Variants in CUL5 observed in about 807,000 individuals in gnomAD.
CUL5 encodes cullin-5.
In CUL5, 26 loss-of-function variants were observed where a neutral mutation model predicts 108.8. The ratio of observed to expected loss-of-function variants is 0.24; its 90% CI spans 0.18 to 0.33. The LOEUF is 0.33. Ranked by LOEUF, CUL5 falls within the 10% of genes least tolerant of loss-of-function variation. CUL5 has a pLI of 1.00. For synonymous variants in CUL5, 334 were observed against 298.0 expected (o/e 1.12, Z -1.25); for missense variants, 524 against 909.2 (o/e 0.58, Z 5.45).
chr11:108,100,158 AGGT>A (rs1864618364), intron 18 of CUL5, among the ~76,000 whole-genome samples: 1 of 152,178 alleles, frequency 6.6e-6, no homozygotes, highest in Non-Finnish European at 1.5e-5. Flanking sequence ...AATAAAAAAA[AGGT>A]GGTAGTGGTG....
Position 108,050,071 on chromosome 11 carries a change from G to T in CUL5, c.411+5G>T. On this transcript the variant is annotated splice_donor_5th_base_variant and intron_variant, in intron 4 of 18. Transcript: ENST00000393094. The stretch of plus-strand genomic sequence containing the variant: ...GAAGACAGTATTGTTCGAAAGGTAA[G>T]ACTATTTTTCTCCTTGTTTTCCTAA... The T allele has an allele frequency of 1.3e-6, 2 of 1,577,386 alleles. No homozygotes were observed. The highest frequency in any genetic ancestry group is 2.3e-5 in the South Asian group (2 of 85,352).
intron 1 of CUL5, among the ~76,000 whole-genome samples, chr11:108,018,795 A>G (rs139963852): frequency 1.3e-5 from 2 of 152,310 alleles, no homozygotes; most frequent in Admixed American, 1.3e-4. Flanking sequence ...AATCCCCTAT[A>G]GATGCAAGTA....
chr11:108,046,544 T>TC (rs1863072040), intron 3 of CUL5, 175 bp downstream of exon 3: 2 of 530,430 alleles, frequency 3.8e-6, no homozygotes, highest in African/African-American at 3.8e-5. Flanking sequence ...ATTATTTTTT[T>TC]CCCACAGTGA....
At position 108,097,793 on chromosome 11, in the gene CUL5, T is replaced by A. The variant is rs73000527; in HGVS notation, c.2024+39T>A. ...TTGATCTAAAATAAAAACACCTTGT[T>A]TGAATTTTAGCACTTTGTTTTTTGC... On this transcript the variant is annotated intron_variant, in intron 17 of 18. Transcript: ENST00000393094. 80,430 of 1,164,018 alleles carry A rather than the reference T, an allele frequency of 0.069. 3,406 individuals carry two copies. The highest frequency in any genetic ancestry group is 0.075 in the Non-Finnish European group (59,541 of 789,620). The allele number at this position is 1,164,018 out of a possible 1,614,324, so 72.1% of individuals were successfully genotyped here. A position where few individuals can be genotyped will look rare whatever the true frequency, so the allele number is the denominator to read the frequency against.
rs1863275301 is a variant in CUL5, at chr11:108,053,049, A to G, written c.553+248A>G. Among the ~76,000 whole-genome samples the G allele has an allele frequency of 2.0e-5, 3 of 152,208 alleles. No individual in the cohort carries two copies. In the South Asian group the frequency reaches 6.2e-4, roughly 31 times the overall value. Reference sequence around the variant, plus strand: ...GCAAGTCGTTTTAGTGAACTAAATTAGATATATAAATTTGAATGTGTAGCT... The same window carrying G: ...GCAAGTCGTTTTAGTGAACTAAATTGGATATATAAATTTGAATGTGTAGCT... On this transcript the variant is annotated intron_variant, in intron 5 of 18. Transcript: ENST00000393094.
chr11:108,057,349 T>C (rs112670832), intron 7 of CUL5, among the ~76,000 whole-genome samples: 2 of 152,120 alleles, frequency 1.3e-5, no homozygotes, highest in African/African-American at 4.8e-5. Flanking sequence ...AAGTTTGAAA[T>C]GAAATAGGAT....
chr11:108,100,723 A>G (rs866812397), intron 18 of CUL5, among the ~76,000 whole-genome samples: 15 of 151,916 alleles, frequency 9.9e-5, no homozygotes, highest in African/African-American at 3.6e-4. Flanking sequence ...GCCAGGATAA[A>G]CTCCTGGAGT....
intron 1 of CUL5, among the ~76,000 whole-genome samples, chr11:108,029,604 A>AT (rs1462752965): frequency 7.9e-5 from 12 of 152,208 alleles, no homozygotes; most frequent in African/African-American, 2.9e-4. Context: ...CTTAGTTATG[A>AT]TTTAATGATA....
chr11:108,036,943 C>G (rs570397751), intron 2 of CUL5, among the ~76,000 whole-genome samples: 2 of 152,316 alleles, frequency 1.3e-5, no homozygotes, highest in East Asian at 3.9e-4. Flanking sequence ...GTGGTTCACT[C>G]TCCCCACTCC....
chr11:108,037,377 CT>C (rs767272071), intron 2 of CUL5, among the ~76,000 whole-genome samples: 2 of 152,214 alleles, frequency 1.3e-5, no homozygotes, highest in Non-Finnish European at 1.5e-5. Flanking sequence ...ATGAGTCCAA[CT>C]TCTAACACCA....
At chr11:108,018,067 C>G (rs2135045596) in intron 1 of CUL5, among the ~76,000 whole-genome samples, 1 of 152,222 alleles carries the variant, frequency 6.6e-6, no homozygotes, top group African/African-American at 2.4e-5. Flanking sequence ...ATCAGAGTGT[C>G]TCTTGTACCA....
intron 1 of CUL5, among the ~76,000 whole-genome samples, chr11:108,023,960 T>A (rs1862391257): frequency 6.6e-6 from 1 of 152,216 alleles, no homozygotes; most frequent in Admixed American, 6.5e-5. Context: ...AAAAGAAATG[T>A]CTTTTACGTA....
intron 1 of CUL5, among the ~76,000 whole-genome samples, chr11:108,022,323 G>T (rs1565233087): frequency 6.6e-6 from 1 of 152,112 alleles, no homozygotes; most frequent in Non-Finnish European, 1.5e-5. Context: ...GAATCATTTT[G>T]CAAGCCAGTG....
intron 8 of CUL5, among the ~76,000 whole-genome samples, chr11:108,070,513 G>C (rs552683526): frequency 6.6e-6 from 1 of 152,160 alleles, no homozygotes; most frequent in African/African-American, 2.4e-5. Context: ...TTAGAACCAG[G>C]TATTTGACTT....
rs1004096560 is a variant in CUL5 at position 108,054,588 on chromosome 11, A to G, written c.554-59A>G. 5.9e-6 allele frequency: 7 copies of G among 1,188,398 alleles called. No homozygotes were observed. The African/African-American group carries it at 6.2e-5, about 11-fold the overall frequency. 73.6% of individuals were successfully genotyped at this position (1,188,398 alleles called of 1,614,324 possible). A position where few individuals can be genotyped will look rare whatever the true frequency, so the allele number is the denominator to read the frequency against. On this transcript the variant is annotated intron_variant, in intron 5 of 18. Transcript: ENST00000393094. ...CTCCTCAATATTTATTTCATTTATTATACTCAAAATACTGATTTTGATCAT... is the reference window on the plus strand; with the variant it reads ...CTCCTCAATATTTATTTCATTTATTGTACTCAAAATACTGATTTTGATCAT...
intron 13 of CUL5, among the ~76,000 whole-genome samples, chr11:108,090,362 G>C (rs897644287): frequency 1.3e-5 from 2 of 151,480 alleles, no homozygotes; most frequent in African/African-American, 2.4e-5. Context: ...GGTGGTGGGG[G>C]GCCTGTAGTC....
intron 7 of CUL5, among the ~76,000 whole-genome samples, chr11:108,066,431 A>ATT (rs1863681114): frequency 6.6e-6 from 1 of 152,012 alleles, no homozygotes; most frequent in South Asian, 2.1e-4. Context: ...CTAACTTAAT[A>ATT]TTGTCCAGCA....
chr11:108,064,645 G>T lies in CUL5; in HGVS notation c.781-5451G>T, dbSNP rs985597183. Among the ~76,000 whole-genome samples, 4 of 152,272 alleles carry T rather than the reference G, an allele frequency of 2.6e-5. No individual in the cohort carries two copies. The East Asian group carries it at 7.7e-4, about 29-fold the overall frequency. Reference sequence around the variant, plus strand: ...GAGTTGCTTGAACTTGGGAGGTGGAGCTTGCAGTGAGCCAAGATCATGCCA... The same window carrying T: ...GAGTTGCTTGAACTTGGGAGGTGGATCTTGCAGTGAGCCAAGATCATGCCA... On this transcript the variant is annotated intron_variant, in intron 7 of 18. Transcript: ENST00000393094.
chr11:108,101,587 T>TG (rs1429272426), intron 18 of CUL5, among the ~76,000 whole-genome samples: 13 of 152,208 alleles, frequency 8.5e-5, no homozygotes, highest in African/African-American at 3.1e-4. Context: ...CAGGATCACC[T>TG]TGCCCTGTCA....
Sources: allele counts gnomAD v4.1 joint callset (sites outside exome capture counted in the v4.1 genomes callset), GRCh38; gene constraint gnomAD v4.1.1; transcripts MANE v1.5; gene names NCBI Gene and HGNC (gene_info 2026-07-23, HGNC 2026-07-21).